The following GPAM variants were observed in gnomAD, a reference collection of about 807,000 sequenced individuals.
GPAM encodes the protein glycerol-3-phosphate acyltransferase, mitochondrial.
In GPAM, 56 loss-of-function variants were observed where a neutral mutation model predicts 105.0. That is an observed-to-expected ratio of 0.53 (90% CI 0.43 to 0.67). The LOEUF is 0.67. Among genes scored for constraint, GPAM ranks in the 30% least tolerant of loss-of-function variants. GPAM has a pLI of 0.00. For synonymous variants in GPAM, 368 were observed against 354.4 expected, an observed-to-expected ratio of 1.04 and a Z score of -0.43; for missense variants, 855 against 989.8, an observed-to-expected ratio of 0.86 and a Z score of 1.83.
intron 5 of GPAM, among the ~76,000 whole-genome samples, chr10:112,176,323 AAC>A (rs1404302678): frequency 1.3e-5 from 2 of 152,202 alleles, no homozygotes; most frequent in African/African-American, 4.8e-5. Context: ...TGAGGGATAG[AAC>A]ATATTCCTGT....
chr10:112,189,197 A>G (rs558822127), intron 1 of GPAM, among the ~76,000 whole-genome samples: 3 of 152,208 alleles, frequency 2.0e-5, no homozygotes, highest in Non-Finnish European at 4.4e-5. Context: ...GTAGTTTGGC[A>G]TGAATTATTC....
At chr10:112,199,239 AG>A (rs1006657410) in intron 1 of GPAM, among the ~76,000 whole-genome samples, 2 of 152,142 alleles carry the variant, frequency 1.3e-5, no homozygotes, top group Non-Finnish European at 2.9e-5. Context: ...TACAGGCATA[AG>A]CCACTGCGCC....
the GPAM span, among the ~76,000 whole-genome samples, chr10:112,224,000 C>T: frequency 0.23 from 35,199 of 152,000 alleles, 5,050 homozygotes; most frequent in African/African-American, 0.39. Context: ...CATCAGGAAG[C>T]GCCTTCCTGC....
In GPAM at chr10:112,160,816, A is replaced by C; in HGVS notation, c.1547T>G (p.Val516Gly). 6.2e-7 allele frequency: 1 copy of C among 1,613,736 alleles called. No homozygotes were observed. Among genetic ancestry groups the C allele is most frequent in the Non-Finnish European group, 8.5e-7 (1 of 1,179,634 alleles). The change falls in exon 16 of 22, where the codon GTC (valine) becomes GGC (glycine). Residue 516 changes from valine to glycine, a missense_variant. Physicochemically the swap from Val to Gly is moderately radical, Grantham distance 109. Transcript: ENST00000348367. ...CCCCAGGTCAAAATCACGAGCCAGG[A>C]CTTCCTCTTTCATCACAAAGAAGTC... ...VEDFFVMKEE[V>G]LARDFDLGFS...
chr10:112,192,676 A>T (rs1451852487), intron 1 of GPAM, among the ~76,000 whole-genome samples: 2 of 152,238 alleles, frequency 1.3e-5, no homozygotes, highest in African/African-American at 4.8e-5. Context: ...TGGCAGAGGA[A>T]GGAATTGGGA....
chr10:112,215,775 G>A (rs1490194022), upstream of GPAM, among the ~76,000 whole-genome samples: 1 of 152,050 alleles, frequency 6.6e-6, no homozygotes, highest in Non-Finnish European at 1.5e-5. Context: ...TCCCCATGGG[G>A]TGAGCCTATT....
At chr10:112,213,084 C>T (rs1170663635) in intron 1 of GPAM, among the ~76,000 whole-genome samples, 1 of 152,146 alleles carries the variant, frequency 6.6e-6, no homozygotes, top group Admixed American at 6.5e-5. Context: ...AAGCCTTGCT[C>T]ACAGCTTGGG....
chr10:112,173,885 T>A, intron 6 of GPAM, 40 bp from the exon 7 acceptor site: 1 of 1,502,654 alleles, frequency 6.7e-7, no homozygotes, highest in Non-Finnish European at 9.3e-7. Context: ...TAATTGTTTC[T>A]ATACTACATT....
At chr10:112,212,485 G>A (rs551794426) in intron 1 of GPAM, among the ~76,000 whole-genome samples, 40 of 152,152 alleles carry the variant, frequency 2.6e-4, no homozygotes, top group African/African-American at 8.2e-4. Flanking sequence ...GGATTGTCTC[G>A]ATCTCCTGAC....
intron 11 of GPAM, among the ~76,000 whole-genome samples, chr10:112,167,562 T>C (rs2803615): frequency 0.02 from 3,058 of 152,314 alleles, 108 homozygotes; most frequent in African/African-American, 0.069. Context: ...CATGCAACAA[T>C]GTGGATGAAT....
chr10:112,151,361 GA>G lies in GPAM; in HGVS notation c.*2188del, dbSNP rs1255619388. On this transcript the variant is annotated 3_prime_UTR_variant, in exon 22 of 22. Coordinates refer to ENST00000348367, the MANE Select transcript of GPAM (RefSeq NM_001244949.2). ...TTGTTTTCAGTCATGAGGCACTGAA[GA>G]ATGAGTTGTGCTGAAATTAACTCAA... 3.0e-6 allele frequency: 3 copies of G among 985,640 alleles called. No individual in the cohort carries two copies. Among genetic ancestry groups the G allele is most frequent in the East Asian group, 2.3e-4 (2 of 8,830 alleles). 61.1% of individuals were successfully genotyped at this position (985,640 alleles called of 1,614,324 possible). A position where few individuals can be genotyped will look rare whatever the true frequency, so the allele number is the denominator to read the frequency against.
At chr10:112,159,626 C>T (rs1179050927) in intron 17 of GPAM, among the ~76,000 whole-genome samples, 1 of 152,134 alleles carries the variant, frequency 6.6e-6, no homozygotes, top group Non-Finnish European at 1.5e-5. Flanking sequence ...CAGTGCCTCA[C>T]ACACAATACG....
intron 1 of GPAM, among the ~76,000 whole-genome samples, chr10:112,208,079 A>G (rs1406796989): frequency 1.3e-5 from 2 of 152,184 alleles, no homozygotes; most frequent in South Asian, 4.1e-4. Context: ...GCCCTGGACC[A>G]TGTCTCAAGT....
intron 1 of GPAM, chr10:112,214,241 A>G (rs1847944746): frequency 1.3e-5 from 2 of 152,234 alleles, no homozygotes; most frequent in South Asian, 4.1e-4. Context: ...GAGTGGAGAG[A>G]GGAAATGCGG....
chr10:112,226,421 A>C, the GPAM span, among the ~76,000 whole-genome samples: 1 of 152,164 alleles, frequency 6.6e-6, no homozygotes, highest in Admixed American at 6.5e-5. Flanking sequence ...GAAATAGAAA[A>C]GGAGGCTCAG....
chr10:112,186,063 A>G (rs1044165646), upstream of GPAM, among the ~76,000 whole-genome samples: 2 of 152,084 alleles, frequency 1.3e-5, no homozygotes, highest in South Asian at 4.1e-4. Flanking sequence ...ACATGAAGAA[A>G]ACCATACCAA....
At chr10:112,179,887 C>T (rs1228787668) in intron 4 of GPAM, among the ~76,000 whole-genome samples, 1 of 152,210 alleles carries the variant, frequency 6.6e-6, no homozygotes, top group East Asian at 1.9e-4. Flanking sequence ...AAATATACCT[C>T]TCACCCACTT....
intron 1 of GPAM, among the ~76,000 whole-genome samples, chr10:112,204,097 C>T (rs574235272): frequency 6.6e-6 from 1 of 152,232 alleles, no homozygotes; most frequent in Admixed American, 6.5e-5. Context: ...ACACTAAGAA[C>T]CCGTGCCTAA....
chr10:112,213,640 C>G (rs1847937226), intron 1 of GPAM, among the ~76,000 whole-genome samples: 1 of 151,814 alleles, frequency 6.6e-6, no homozygotes, highest in Non-Finnish European at 1.5e-5. Context: ...AACCTCATAG[C>G]AGAAGAAGTA....
Sources: gnomAD v4.1 joint callset for allele counts (sites outside exome capture counted in the v4.1 genomes callset) on GRCh38, gnomAD v4.1.1 for gene constraint, MANE v1.5 for transcripts, NCBI Gene and HGNC (gene_info 2026-07-23, HGNC 2026-07-21) for gene names.